MMP26: variants seen among roughly 807,000 people sequenced by gnomAD.
The protein encoded by MMP26 is matrix metallopeptidase 26.
MMP26 carries 33 observed loss-of-function variants against 31.0 expected under a neutral mutation model. The ratio of observed to expected loss-of-function variants is 1.06; its 90% CI spans 0.81 to 1.42. MMP26 has a LOEUF of 1.42. Among genes scored for constraint, MMP26 ranks in the 40% most tolerant of loss-of-function variants. The pLI is 0.00. For missense variants in MMP26, 347 were observed against 316.1 expected, an observed-to-expected ratio of 1.10 and a Z score of -0.74; for synonymous variants, 122 against 114.9, an observed-to-expected ratio of 1.06 and a Z score of -0.40.
chr11:4,715,512 A>G (rs1289296015), intron 1 of MMP26, among the ~76,000 whole-genome samples: 1 of 152,186 alleles, frequency 6.6e-6, no homozygotes, highest in Non-Finnish European at 1.5e-5. Context: ...AAAAAGAGAG[A>G]ACTACATGAA....
chr11:4,886,660 C>T (rs1850549584), intron 2 of MMP26, among the ~76,000 whole-genome samples: 1 of 151,156 alleles, frequency 6.6e-6, no homozygotes, highest in South Asian at 2.1e-4. Flanking sequence ...TCAAAAAGTG[C>T]AAGAATTCCA....
intron 2 of MMP26, among the ~76,000 whole-genome samples, chr11:4,840,929 T>C (rs751207528): frequency 1.4e-4 from 21 of 152,070 alleles, no homozygotes; most frequent in Non-Finnish European, 2.8e-4. Context: ...GAGAAGGAAC[T>C]CAGAACTACA....
At chr11:4,820,865 C>A (rs1321229325) in intron 2 of MMP26, among the ~76,000 whole-genome samples, 1 of 151,956 alleles carries the variant, frequency 6.6e-6, no homozygotes, top group African/African-American at 2.4e-5. Flanking sequence ...GAACTCCCAA[C>A]AAATGCGATC....
Position 4,908,355 on chromosome 11 carries a change from T to C in MMP26, c.-144-79713T>C, listed in dbSNP as rs761397378. 5 of 1,501,118 alleles carry C rather than the reference T, an allele frequency of 3.3e-6. No homozygotes were observed. The African/African-American group carries it at 5.5e-5, about 17-fold the overall frequency. The allele number at this position is 1,501,118 out of a possible 1,614,324, so 93.0% of individuals were successfully genotyped here. ...AAATTATCAACCAGTAGGCATTTAC[T>C]GTCATTTGCTATGTGCTTAATGCCA... On this transcript the variant is annotated intron_variant, in intron 2 of 7. Coordinates refer to ENST00000380390, the MANE Select transcript of MMP26 (RefSeq NM_021801.5).
chr11:4,860,609 A>T, intron 2 of MMP26: 1 of 406,216 alleles, frequency 2.5e-6, no homozygotes, highest in Non-Finnish European at 5.0e-6. Context: ...CACTTGGCTC[A>T]CAGCTCCTAA....
At chr11:4,745,793 A>G (rs114628752) in intron 1 of MMP26, among the ~76,000 whole-genome samples, 1 of 152,136 alleles carries the variant, frequency 6.6e-6, no homozygotes. Context: ...CCTGGAAACC[A>G]TTGATTTTTA....
At chr11:4,754,144 G>T (rs1848479558) in intron 1 of MMP26, among the ~76,000 whole-genome samples, 1 of 146,440 alleles carries the variant, frequency 6.8e-6, no homozygotes. Flanking sequence ...TTGAAAGTTT[G>T]GATAAATTGC....
At chr11:4,913,801 C>T (rs933743613) in intron 2 of MMP26, 3 of 152,148 alleles carry the variant, frequency 2.0e-5, no homozygotes, top group Non-Finnish European at 4.4e-5. Flanking sequence ...CATGCTGTTC[C>T]TTTGGACTGG....
intron 2 of MMP26, chr11:4,876,119 G>A (rs373369952): frequency 6.6e-5 from 10 of 152,102 alleles, no homozygotes; most frequent in East Asian, 5.8e-4. Flanking sequence ...ATTTATATCT[G>A]CACATCTGTG....
rs1486123534 is a variant in MMP26 at position 4,907,775 on chromosome 11, C to T, written c.-144-80293C>T. ...CAATCCCTTAAGATACAGTTCTATC[C>T]TCACTAGCAACAGGGTTGCTAAAAT... On this transcript the variant is annotated intron_variant, in intron 2 of 7. Coordinates refer to ENST00000380390, the MANE Select transcript of MMP26 (RefSeq NM_021801.5). 6.2e-7 allele frequency: 1 copy of T among 1,614,040 alleles called. No individual in the cohort carries two copies. The highest frequency in any genetic ancestry group is 1.7e-5 in the Admixed American group (1 of 60,008).
intron 2 of MMP26, among the ~76,000 whole-genome samples, chr11:4,807,305 AT>A (rs1253883431): frequency 2.0e-5 from 3 of 152,128 alleles, no homozygotes; most frequent in Admixed American, 2.0e-4. Context: ...GTGTAAAAGC[AT>A]TCCTATTTCT....
Position 4,896,389 on chromosome 11 carries a change from C to T in MMP26, c.-144-91679C>T, listed in dbSNP as rs1850704230. Among the ~76,000 whole-genome samples, 5 of 152,160 alleles carry T rather than the reference C, an allele frequency of 3.3e-5. No individual in the cohort carries two copies. In the South Asian group the frequency reaches 1.0e-3, roughly 32 times the overall value. On this transcript the variant is annotated intron_variant, in intron 2 of 7. Coordinates refer to ENST00000380390, the MANE Select transcript of MMP26 (RefSeq NM_021801.5). ...GGGACACCAATCCCTCCAGCTCTGCCACCCTCTGTAAACAAATGATTTCCT... is the reference window on the plus strand; with the variant it reads ...GGGACACCAATCCCTCCAGCTCTGCTACCCTCTGTAAACAAATGATTTCCT...
intron 2 of MMP26, among the ~76,000 whole-genome samples, chr11:4,858,660 T>C (rs1850094632): frequency 6.6e-6 from 1 of 152,198 alleles, no homozygotes; most frequent in African/African-American, 2.4e-5. Flanking sequence ...AAGTAATTTA[T>C]AGATTCAATG....
chr11:4,714,920 T>TCACACACACACA (rs66913726), intron 1 of MMP26, among the ~76,000 whole-genome samples: 3 of 141,696 alleles, frequency 2.1e-5, no homozygotes, highest in Admixed American at 7.0e-5. Flanking sequence ...TCTCTCTCTC[T>TCACACACACACA]CACACACACA....
At position 4,854,457 on chromosome 11, in the gene MMP26, G is replaced by A. The variant is rs1187605372; in HGVS notation, c.-145+87116G>A. ...GAGGGTCCCACGCCCACGGAACCTT[G>A]CTCATTGCTAGCACAGTGGTCCAAG... On this transcript the variant is annotated intron_variant, in intron 2 of 7. Coordinates refer to ENST00000380390, the MANE Select transcript of MMP26 (RefSeq NM_021801.5). Among the ~76,000 whole-genome samples, 3 of 152,304 alleles carry A rather than the reference G, an allele frequency of 2.0e-5. No homozygotes were observed. In the East Asian group the frequency reaches 5.8e-4, roughly 29 times the overall value.
chr11:4,826,043 C>A (rs1849574191), intron 2 of MMP26, among the ~76,000 whole-genome samples: 1 of 151,962 alleles, frequency 6.6e-6, no homozygotes, highest in South Asian at 2.1e-4. Context: ...CAACCATTAC[C>A]CCAAGCACTG....
At position 4,992,420 on chromosome 11, in the gene MMP26, T is replaced by C. The variant is rs1564821480; in HGVS notation, c.*178T>C. The C allele has an allele frequency of 1.6e-6, 1 of 623,342 alleles. No individual in the cohort carries two copies. The highest frequency in any genetic ancestry group is 2.8e-5 in the East Asian group (1 of 36,204). 38.6% of individuals were successfully genotyped at this position (623,342 alleles called of 1,614,324 possible). A position where few individuals can be genotyped will look rare whatever the true frequency, so the allele number is the denominator to read the frequency against. On this transcript the variant is annotated 3_prime_UTR_variant, in exon 8 of 8. Transcript: ENST00000380390. ...TACTGAGTCACAATAAAGATTGTTT[T>C]AAAGAGTAATATTTTGTCCTCATAA... is the stretch of plus-strand genomic sequence containing the variant.
At chr11:4,739,295 C>A (rs11033638) in intron 1 of MMP26, among the ~76,000 whole-genome samples, 15,970 of 152,168 alleles carry the variant, frequency 0.1, 933 homozygotes, top group Non-Finnish European at 0.13. Context: ...CGGGAAGTGG[C>A]ATCTGAAATG....
At chr11:4,752,432 AGGGT>A (rs111382525) in intron 1 of MMP26, 7,235 of 152,752 alleles carry the variant, frequency 0.047, 519 homozygotes, top group African/African-American at 0.16. Context: ...TCATCACATC[AGGGT>A]GGAAACAGTA....
Sources: gnomAD v4.1 joint callset for allele counts (sites outside exome capture counted in the v4.1 genomes callset) on GRCh38, gnomAD v4.1.1 for gene constraint, MANE v1.5 for transcripts, NCBI Gene and HGNC (gene_info 2026-07-23, HGNC 2026-07-21) for gene names.